RMDN2: variants seen among roughly 807,000 people sequenced by gnomAD.
RMDN2 encodes the protein regulator of microtubule dynamics protein 2.
Under a neutral mutation model 52.8 loss-of-function variants are expected in RMDN2, and 61 were observed. The observed-to-expected ratio is 1.16, with a 90% CI of 0.94 to 1.43. RMDN2 has a LOEUF of 1.43. Among genes scored for constraint, RMDN2 ranks in the 40% most tolerant of loss-of-function variants. The pLI is 0.00. For missense variants in RMDN2, 592 were observed against 475.3 expected (o/e 1.25, Z -2.28); for synonymous variants, 180 against 153.1 (o/e 1.18, Z -1.30).
chr2:38,008,746 T>G (rs1677488129), intron 10 of RMDN2, among the ~76,000 whole-genome samples: 1 of 152,214 alleles, frequency 6.6e-6, no homozygotes. Flanking sequence ...ATCCTGTCAT[T>G]ATGATGTTAG....
chr2:37,968,987 T>G (rs1343212929), intron 2 of RMDN2, among the ~76,000 whole-genome samples: 1 of 152,148 alleles, frequency 6.6e-6, no homozygotes, highest in Non-Finnish European at 1.5e-5. Flanking sequence ...ATATCCAGTT[T>G]TAAATAGAAG....
chr2:37,965,321 A>G (rs1411853874), intron 2 of RMDN2, among the ~76,000 whole-genome samples: 1 of 131,072 alleles, frequency 7.6e-6, no homozygotes, highest in African/African-American at 2.9e-5. Flanking sequence ...CTCCATTGCT[A>G]CCTCTCTTTG....
downstream of RMDN2, among the ~76,000 whole-genome samples, chr2:38,021,608 C>A (rs761640741): frequency 6.6e-6 from 1 of 152,102 alleles, no homozygotes; most frequent in Non-Finnish European, 1.5e-5. Context: ...AGAACTGTAC[C>A]ACTCACCGCG....
upstream of RMDN2, chr2:37,923,162 A>C (rs1666079891): frequency 6.6e-6 from 1 of 152,234 alleles, no homozygotes; most frequent in African/African-American, 2.4e-5. Flanking sequence ...GTACCTGGCA[A>C]AGATAGCGCC....
chr2:38,037,035 T>G (rs1680632492), intron 10 of RMDN2, among the ~76,000 whole-genome samples: 1 of 152,108 alleles, frequency 6.6e-6, no homozygotes, highest in African/African-American at 2.4e-5. Flanking sequence ...TCCTAGAAAT[T>G]TTGGCTTCTA....
chr2:38,003,815 T>G (rs1676683743), intron 8 of RMDN2, among the ~76,000 whole-genome samples, 176 bp from the exon 9 acceptor site: 1 of 152,214 alleles, frequency 6.6e-6, no homozygotes, highest in Non-Finnish European at 1.5e-5. Flanking sequence ...AAGGCTATGT[T>G]TCCACCCAAA....
chr2:38,017,289 A>G lies in RMDN2; in HGVS notation c.*50A>G. 6.8e-7 allele frequency: 1 copy of G among 1,477,776 alleles called. No individual in the cohort carries two copies. Among genetic ancestry groups the G allele is most frequent in the South Asian group, 1.4e-5 (1 of 70,604 alleles). 91.5% of individuals were successfully genotyped at this position (1,477,776 alleles called of 1,614,324 possible). On this transcript the variant is annotated 3_prime_UTR_variant, in exon 11 of 11. Transcript: ENST00000354545. ...ATCAGATGTGGTCTACCAAAATTTA[A>G]ATGAATCAAAGTTGTGCTTTTATTA...
upstream of RMDN2, among the ~76,000 whole-genome samples, chr2:37,922,972 C>G (rs558059057): frequency 6.6e-6 from 1 of 152,188 alleles, no homozygotes; most frequent in African/African-American, 2.4e-5. Flanking sequence ...TGGGGCAAAT[C>G]GTGAAGGGTC....
Position 37,933,549 on chromosome 2 carries a change from C to T in RMDN2, c.452+3820C>T, listed in dbSNP as rs535625984. The stretch of plus-strand genomic sequence containing the variant: ...CCTCGGGAGGCCGAGGCTGGCGGAT[C>T]GCTCGCGGTTAGGAGCTGGAGACCA... On this transcript the variant is annotated intron_variant, in intron 2 of 10. Coordinates refer to ENST00000354545, the MANE Select transcript of RMDN2 (RefSeq NM_001170791.3). Among the ~76,000 whole-genome samples, 337 of 152,386 alleles carry T rather than the reference C, an allele frequency of 2.2e-3. 3 individuals carry two copies. The highest frequency in any genetic ancestry group is 6.8e-3 in the Middle Eastern group (2 of 294).
At chr2:37,950,492 A>T (rs765540723) in intron 2 of RMDN2, 2 of 1,612,462 alleles carry the variant, frequency 1.2e-6, no homozygotes, top group Non-Finnish European at 1.7e-6. Context: ...CAGTCTTCTG[A>T]CCTGTTCCAC....
At chr2:37,988,778 A>C (rs1674378571) in intron 5 of RMDN2, among the ~76,000 whole-genome samples, 1 of 152,220 alleles carries the variant, frequency 6.6e-6, no homozygotes, top group African/African-American at 2.4e-5. Flanking sequence ...GTACAGGTAG[A>C]AACACTCTGA....
At chr2:38,045,807 G>A (rs62136319) in intron 10 of RMDN2, among the ~76,000 whole-genome samples, 44,377 of 152,072 alleles carry the variant, frequency 0.29, 8,043 homozygotes, top group South Asian at 0.49. Context: ...AAAAGCTAGT[G>A]GCTTCACAAT....
chr2:38,026,363 C>G (rs1679781888), intron 10 of RMDN2, among the ~76,000 whole-genome samples: 1 of 152,040 alleles, frequency 6.6e-6, no homozygotes, highest in African/African-American at 2.4e-5. Flanking sequence ...TCTATATTTG[C>G]TGTTACCCTA....
rs578087340 is a variant in RMDN2, at chr2:37,977,681, C to T, written c.730+2367C>T. Among the ~76,000 whole-genome samples the T allele has an allele frequency of 2.9e-3, 438 of 151,800 alleles. 1 individual carries two copies. Among genetic ancestry groups the T allele is most frequent in the African/African-American group, 9.7e-3 (402 of 41,374 alleles). On this transcript the variant is annotated intron_variant, in intron 4 of 10. Coordinates refer to ENST00000354545, the MANE Select transcript of RMDN2 (RefSeq NM_001170791.3). Reference sequence around the variant, plus strand: ...GCAGAGACACTCCTCAATTCCCAGACGGGGTCGCGGCCGGGTAGAGGCGCT... The same window carrying T: ...GCAGAGACACTCCTCAATTCCCAGATGGGGTCGCGGCCGGGTAGAGGCGCT...
chr2:38,028,349 G>T (rs1679933272), intron 10 of RMDN2, among the ~76,000 whole-genome samples: 1 of 152,158 alleles, frequency 6.6e-6, no homozygotes, highest in Non-Finnish European at 1.5e-5. Flanking sequence ...TTTATTGACT[G>T]CATAGTACAT....
intron 7 of RMDN2, among the ~76,000 whole-genome samples, chr2:37,994,445 A>G (rs1048431850): frequency 8.5e-5 from 13 of 152,202 alleles, no homozygotes. Context: ...TAATTACAGC[A>G]TGTTGTCCAA....
At chr2:37,987,281 GA>G (rs947820976) in intron 5 of RMDN2, among the ~76,000 whole-genome samples, 15 of 152,152 alleles carry the variant, frequency 9.9e-5, no homozygotes, top group Admixed American at 7.9e-4. Context: ...ATCTCTATGA[GA>G]AACGCTTAAC....
intron 7 of RMDN2, among the ~76,000 whole-genome samples, chr2:37,997,078 C>T (rs1675655305): frequency 6.6e-6 from 1 of 152,110 alleles, no homozygotes; most frequent in Non-Finnish European, 1.5e-5. Flanking sequence ...ATCAGATGAA[C>T]AAACGGGATC....
At position 37,970,601 on chromosome 2, in the gene RMDN2, A is replaced by T. The variant is rs568036395; in HGVS notation, c.453-3439A>T. On this transcript the variant is annotated intron_variant, in intron 2 of 10. Coordinates refer to ENST00000354545, the MANE Select transcript of RMDN2 (RefSeq NM_001170791.3). ...AGTAATTCTTTAGAAGAATTTGAAT[A>T]AGCCTAATTATTTGGATATATGGCA... Among the ~76,000 whole-genome samples, 27 of 152,314 alleles carry T rather than the reference A, an allele frequency of 1.8e-4. No individual in the cohort carries two copies. The South Asian group carries it at 5.6e-3, about 32-fold the overall frequency.
Sources: allele counts gnomAD v4.1 joint callset (sites outside exome capture counted in the v4.1 genomes callset), GRCh38; gene constraint gnomAD v4.1.1; transcripts MANE v1.5; gene names NCBI Gene and HGNC (gene_info 2026-07-23, HGNC 2026-07-21).